The following OSBPL10 variants were observed in gnomAD, a reference collection of about 807,000 sequenced individuals.
OSBPL10 encodes the protein oxysterol-binding protein-related protein 10.
OSBPL10 carries 49 observed loss-of-function variants against 81.7 expected under a neutral mutation model. The ratio of observed to expected loss-of-function variants is 0.60; its 90% CI spans 0.48 to 0.76. The LOEUF is 0.76. OSBPL10 is among the 30% of genes least tolerant of loss of function. OSBPL10 has a pLI of 0.00. For missense variants in OSBPL10, 923 were observed against 987.8 expected (o/e 0.93, Z 0.88); for synonymous variants, 419 against 383.6 (o/e 1.09, Z -1.08).
At chr3:31,862,831 G>A (rs961670540) in intron 3 of OSBPL10, among the ~76,000 whole-genome samples, 5 of 152,174 alleles carry the variant, frequency 3.3e-5, no homozygotes, top group Admixed American at 1.3e-4. Context: ...ATGTAAAATG[G>A]TGCAGCTGCT....
chr3:31,983,842 C>CA (rs1484773834), upstream of OSBPL10, among the ~76,000 whole-genome samples: 2 of 152,136 alleles, frequency 1.3e-5, no homozygotes, highest in East Asian at 3.8e-4. Flanking sequence ...AATAAGTTGG[C>CA]AAAAAGTATT....
At chr3:31,976,546 G>C (rs1419826741) in intron 1 of OSBPL10, among the ~76,000 whole-genome samples, 3 of 152,154 alleles carry the variant, frequency 2.0e-5, no homozygotes, top group Non-Finnish European at 4.4e-5. Context: ...TTGACCTCTT[G>C]TGCTCAAGCA....
intron 2 of OSBPL10, 105 bp from the exon 3 acceptor site, chr3:31,876,617 G>A (rs537904263): frequency 1.1e-6 from 1 of 878,848 alleles, no homozygotes; most frequent in Non-Finnish European, 1.9e-6. Flanking sequence ...TGGGGAGTGA[G>A]AGGTAGCAAG....
chr3:31,960,571 A>G (rs1168291538), intron 1 of OSBPL10, among the ~76,000 whole-genome samples: 1 of 152,198 alleles, frequency 6.6e-6, no homozygotes, highest in Non-Finnish European at 1.5e-5. Flanking sequence ...AGAAGGTTGC[A>G]AGCTAGTTTA....
chr3:31,748,186 C>T (rs1697594574), intron 4 of OSBPL10, 66 bp from the exon 5 acceptor site: 1 of 1,410,166 alleles, frequency 7.1e-7, no homozygotes, highest in Non-Finnish European at 9.8e-7. Context: ...GGGGAGGCGG[C>T]AGATAAACCA....
chr3:32,072,116 T>C (rs1023869357), intron 1 of OSBPL10, among the ~76,000 whole-genome samples: 1 of 152,240 alleles, frequency 6.6e-6, no homozygotes, highest in African/African-American at 2.4e-5. Context: ...TCAATATTTA[T>C]ACTGACTCTA....
At chr3:31,962,579 G>A (rs891529807) in intron 1 of OSBPL10, among the ~76,000 whole-genome samples, 2 of 151,952 alleles carry the variant, frequency 1.3e-5, no homozygotes, top group African/African-American at 4.8e-5. Context: ...ACCAGCACAG[G>A]AGAAGTGCCA....
At chr3:31,751,026 C>T (rs1485594252) in intron 4 of OSBPL10, among the ~76,000 whole-genome samples, 1 of 152,058 alleles carries the variant, frequency 6.6e-6, no homozygotes, top group Non-Finnish European at 1.5e-5. Flanking sequence ...AGCATTCAGG[C>T]CAGGCGTGGT....
At chr3:31,704,267 A>T (rs1695990555) in intron 6 of OSBPL10, 1 of 152,340 alleles carries the variant, frequency 6.6e-6, no homozygotes, top group South Asian at 2.1e-4. Flanking sequence ...TGGCTGTCTC[A>T]GCTCCCTGTG....
In OSBPL10 at chr3:31,980,894, G is replaced by T. The variant is rs367806178; in HGVS notation, c.281+5C>A. On this transcript the variant is annotated splice_donor_5th_base_variant and intron_variant, in intron 1 of 11. Transcript: ENST00000396556. ...GCGCGGTGGCGCGGGCGGCTGGCGC[G>T]TTACCTGTTCTGCCAGCCCTGGAGG... 42 of 1,563,186 alleles carry T rather than the reference G, an allele frequency of 2.7e-5. No homozygotes were observed. The highest frequency in any genetic ancestry group is 1.1e-4 in the Admixed American group (6 of 52,496).
intron 3 of OSBPL10, among the ~76,000 whole-genome samples, chr3:31,865,378 T>C (rs1052401467): frequency 1.3e-5 from 2 of 152,240 alleles, no homozygotes; most frequent in Non-Finnish European, 2.9e-5. Context: ...TAGTCTCATG[T>C]GGCTAGAGGT....
At chr3:31,715,933 T>C (rs938492310) in intron 6 of OSBPL10, among the ~76,000 whole-genome samples, 3 of 152,212 alleles carry the variant, frequency 2.0e-5, no homozygotes, top group South Asian at 2.1e-4. Context: ...ATGCCACTAA[T>C]TGCTAGACTG....
At chr3:32,040,288 T>C (rs922385940) in intron 2 of OSBPL10, among the ~76,000 whole-genome samples, 1 of 152,050 alleles carries the variant, frequency 6.6e-6, no homozygotes, top group Non-Finnish European at 1.5e-5. Flanking sequence ...GTGCCTGTAG[T>C]CCCTGCTACT....
intron 5 of OSBPL10, among the ~76,000 whole-genome samples, chr3:31,736,905 A>T (rs1209018659): frequency 1.3e-5 from 2 of 152,204 alleles, no homozygotes; most frequent in African/African-American, 4.8e-5. Context: ...TTTAAACAAA[A>T]CACTAGGGGG....
At chr3:32,037,581 G>A (rs1358244198) in intron 2 of OSBPL10, 14 of 241,720 alleles carry the variant, frequency 5.8e-5, no homozygotes, top group African/African-American at 2.6e-4. Flanking sequence ...TTAACACTGC[G>A]ACCAAAGATG....
At chr3:31,841,832 CAAAG>C (rs1339986531) in intron 3 of OSBPL10, among the ~76,000 whole-genome samples, 1 of 152,030 alleles carries the variant, frequency 6.6e-6, no homozygotes, top group African/African-American at 2.4e-5. Context: ...ATTTAAATAA[CAAAG>C]AAACCAATAA....
chr3:31,927,116 C>T (rs1697097637), intron 1 of OSBPL10, among the ~76,000 whole-genome samples: 3 of 152,062 alleles, frequency 2.0e-5, no homozygotes, highest in Non-Finnish European at 4.4e-5. Context: ...ATCTCAACAA[C>T]AACAACAACA....
intron 4 of OSBPL10, among the ~76,000 whole-genome samples, chr3:31,804,568 T>C (rs73059405): frequency 6.6e-6 from 1 of 152,204 alleles, no homozygotes; most frequent in Non-Finnish European, 1.5e-5. Context: ...AAGCCCTTCA[T>C]TTTAACAACC....
rs75076251 is a variant in OSBPL10 at position 31,699,229 on chromosome 3, C to T, written c.1245+3130G>A. On this transcript the variant is annotated intron_variant, in intron 7 of 11. Coordinates refer to ENST00000396556, the MANE Select transcript of OSBPL10 (RefSeq NM_017784.5). The stretch of plus-strand genomic sequence containing the variant: ...TACCACATGATGTTACTCATTTGCT[C>T]AAACTTTCCAAGGCTTCCCATAGCC... 2.1e-3 allele frequency among the ~76,000 whole-genome samples: 324 copies of T among 152,296 alleles called. 4 individuals are homozygous for T. Among genetic ancestry groups the T allele is most frequent in the African/African-American group, 7.5e-3 (310 of 41,564 alleles).
Sources: allele counts gnomAD v4.1 joint callset (sites outside exome capture counted in the v4.1 genomes callset), GRCh38; gene constraint gnomAD v4.1.1; transcripts MANE v1.5; gene names NCBI Gene and HGNC (gene_info 2026-07-23, HGNC 2026-07-21).